PBX3: variants seen among roughly 807,000 people sequenced by gnomAD.
PBX3 encodes pre-B-cell leukemia transcription factor 3.
A neutral mutation model predicts 48.5 loss-of-function variants in PBX3; 14 were observed. The ratio of observed to expected loss-of-function variants is 0.29; its 90% CI spans 0.19 to 0.45. PBX3 has a LOEUF of 0.45. Among genes scored for constraint, PBX3 ranks in the 20% least tolerant of loss-of-function variants. The probability of loss-of-function intolerance (pLI) is 1.00; values close to 1 mark genes in which losing one functional copy is unlikely to be tolerated. For missense variants in PBX3, 386 were observed against 546.7 expected (o/e 0.71, Z 2.93); for synonymous variants, 210 against 200.3 (o/e 1.05, Z -0.41).
chr9:125,877,564 AT>A (rs1815165542), intron 2 of PBX3, among the ~76,000 whole-genome samples: 1 of 152,150 alleles, frequency 6.6e-6, no homozygotes, highest in Non-Finnish European at 1.5e-5. Flanking sequence ...CTCTTTACTA[AT>A]ATATTCTATT....
chr9:125,772,105 A>G (rs1419545048), intron 2 of PBX3, among the ~76,000 whole-genome samples: 2 of 152,196 alleles, frequency 1.3e-5, no homozygotes, highest in Non-Finnish European at 2.9e-5. Context: ...ATCTTTCTGT[A>G]TCATGTGCCT....
chr9:125,807,843 G>T (rs1262830505), intron 2 of PBX3, among the ~76,000 whole-genome samples: 1 of 151,948 alleles, frequency 6.6e-6, no homozygotes, highest in African/African-American at 2.4e-5. Flanking sequence ...AAGTTTCCTG[G>T]GCAGGATATA....
chr9:125,789,527 G>T (rs921080775), intron 2 of PBX3, among the ~76,000 whole-genome samples: 2 of 152,182 alleles, frequency 1.3e-5, no homozygotes, highest in Admixed American at 6.5e-5. Flanking sequence ...CTTACAGCAT[G>T]GCAGCTGGCT....
intron 2 of PBX3, among the ~76,000 whole-genome samples, chr9:125,787,881 G>A (rs948364201): frequency 4.6e-5 from 7 of 152,218 alleles, no homozygotes; most frequent in Non-Finnish European, 1.0e-4. Context: ...AGTTCAGGAT[G>A]TGGCCCTGGG....
chr9:125,842,743 C>T (rs1287132208), intron 2 of PBX3, among the ~76,000 whole-genome samples: 1 of 152,096 alleles, frequency 6.6e-6, no homozygotes. Flanking sequence ...CTCATCCATG[C>T]CCAATTTTGT....
chr9:125,846,216 G>T (rs10760403), intron 2 of PBX3, among the ~76,000 whole-genome samples: 107,461 of 151,842 alleles, frequency 0.71, 38,589 homozygotes, highest in African/African-American at 0.8. Flanking sequence ...TAAATGCTCA[G>T]TAGTAGTACC....
intron 2 of PBX3, among the ~76,000 whole-genome samples, chr9:125,771,066 T>G (rs190315400): frequency 2.6e-5 from 4 of 152,202 alleles, no homozygotes; most frequent in Admixed American, 2.6e-4. Context: ...TGGGAAGATA[T>G]ATGTGTTGGT....
At position 125,784,204 on chromosome 9, in the gene PBX3, C is replaced by G. The variant is rs1310856793; in HGVS notation, c.274+35581C>G. Among the ~76,000 whole-genome samples the G allele has an allele frequency of 3.3e-5, 5 of 152,144 alleles. No homozygotes were observed. The East Asian group carries it at 9.6e-4, about 29-fold the overall frequency. On this transcript the variant is annotated intron_variant, in intron 2 of 8. Coordinates refer to ENST00000373489, the MANE Select transcript of PBX3 (RefSeq NM_006195.6). ...AGTACAGTGGTGCGATCTTGGCTCA[C>G]TGCAACCTCTGCCTCCCTGGTTCAA...
intron 2 of PBX3, among the ~76,000 whole-genome samples, chr9:125,755,597 G>T (rs562566109): frequency 1.5e-4 from 23 of 149,374 alleles, no homozygotes; most frequent in Admixed American, 2.7e-4. Context: ...CATTATGCAA[G>T]AAATGAGATT....
chr9:125,960,856 A>G lies in PBX3; in HGVS notation c.1009+7A>G. 6.2e-7 allele frequency: 1 copy of G among 1,610,820 alleles called. No individual in the cohort carries two copies. Among genetic ancestry groups the G allele is most frequent in the Non-Finnish European group, 8.5e-7 (1 of 1,177,452 alleles). On this transcript the variant is annotated splice_region_variant and intron_variant, in intron 6 of 8. Transcript: ENST00000373489. ...CCCACCACACCAAATTCCGGTGCGT[A>G]CTGGGGGCTCGCTCCCCAACTGGCC...
chr9:125,771,110 A>G (rs1836930467), intron 2 of PBX3, among the ~76,000 whole-genome samples: 1 of 152,200 alleles, frequency 6.6e-6, no homozygotes, highest in Non-Finnish European at 1.5e-5. Flanking sequence ...TGATTTATGA[A>G]GATTTAGGAT....
At chr9:125,815,819 T>A (rs1838443256) in intron 2 of PBX3, among the ~76,000 whole-genome samples, 1 of 152,142 alleles carries the variant, frequency 6.6e-6, no homozygotes, top group Non-Finnish European at 1.5e-5. Flanking sequence ...GGTTGGAGCC[T>A]CTGTCAGTCT....
intron 2 of PBX3, among the ~76,000 whole-genome samples, chr9:125,843,484 T>G (rs771130674): frequency 6.6e-6 from 1 of 152,054 alleles, no homozygotes; most frequent in Non-Finnish European, 1.5e-5. Flanking sequence ...ATGGGCAGAA[T>G]AAGGTTGTAT....
chr9:125,809,727 A>G (rs1838232076), intron 2 of PBX3, among the ~76,000 whole-genome samples: 1 of 152,218 alleles, frequency 6.6e-6, no homozygotes, highest in South Asian at 2.1e-4. Context: ...AGAATTTCTG[A>G]TCATCAATGT....
intron 7 of PBX3, 29 bp downstream of exon 7, chr9:125,962,243 C>A (rs1252857475): frequency 7.7e-7 from 1 of 1,307,064 alleles, no homozygotes; most frequent in Non-Finnish European, 1.1e-6. Context: ...TGGGGCCTTT[C>A]TAGCAGGGTA....
intron 3 of PBX3, among the ~76,000 whole-genome samples, chr9:125,927,715 G>T (rs982668223): frequency 1.3e-5 from 2 of 152,108 alleles, no homozygotes; most frequent in Non-Finnish European, 2.9e-5. Context: ...TTCAGTGTAG[G>T]CCCAGTTATA....
intron 2 of PBX3, among the ~76,000 whole-genome samples, chr9:125,765,274 G>A (rs764344293): frequency 6.6e-5 from 10 of 150,828 alleles, no homozygotes; most frequent in Non-Finnish European, 7.4e-5. Flanking sequence ...TCAGCCTCCC[G>A]AATAGTCAAG....
At chr9:125,840,985 T>C (rs1839274053) in intron 2 of PBX3, among the ~76,000 whole-genome samples, 2 of 152,292 alleles carry the variant, frequency 1.3e-5, no homozygotes, top group South Asian at 4.1e-4. Context: ...TCAATTATTA[T>C]ATTACCTAGC....
At chr9:125,865,654 A>G (rs1839961393) in intron 2 of PBX3, among the ~76,000 whole-genome samples, 1 of 152,190 alleles carries the variant, frequency 6.6e-6, no homozygotes, top group African/African-American at 2.4e-5. Flanking sequence ...GTTTTTGCAT[A>G]ACATTTCCCT....
Sources: gnomAD v4.1 joint callset for allele counts (sites outside exome capture counted in the v4.1 genomes callset) on GRCh38, gnomAD v4.1.1 for gene constraint, MANE v1.5 for transcripts, NCBI Gene and HGNC (gene_info 2026-07-23, HGNC 2026-07-21) for gene names.